The following PRMT3 variants were observed in gnomAD, a reference collection of about 807,000 sequenced individuals.
PRMT3 encodes the protein protein arginine methyltransferase 3, also known as protein arginine N-methyltransferase 3.
Under a neutral mutation model 71.9 loss-of-function variants are expected in PRMT3, and 62 were observed. That is an observed-to-expected ratio of 0.86 (90% CI 0.70 to 1.07). The LOEUF is 1.07. PRMT3 is among the 50% of genes least tolerant of loss of function. The pLI is 0.00. For synonymous variants in PRMT3, 213 were observed against 220.4 expected (o/e 0.97, Z 0.30); for missense variants, 663 against 643.0 (o/e 1.03, Z -0.34).
chr11:20,414,652 G>C (rs537273508), intron 9 of PRMT3, among the ~76,000 whole-genome samples: 7 of 152,072 alleles, frequency 4.6e-5, no homozygotes, highest in Non-Finnish European at 8.8e-5. Context: ...TTATGGAATA[G>C]CTCATTATTC....
intron 15 of PRMT3, among the ~76,000 whole-genome samples, chr11:20,507,616 C>A (rs1054163019): frequency 2.0e-5 from 3 of 151,556 alleles, no homozygotes; most frequent in African/African-American, 7.3e-5. Context: ...CTTGTCTCTA[C>A]TAAAAATACA....
At chr11:20,435,911 G>C (rs1307188412) in intron 10 of PRMT3, among the ~76,000 whole-genome samples, 1 of 152,214 alleles carries the variant, frequency 6.6e-6, no homozygotes, top group African/African-American at 2.4e-5. Flanking sequence ...ACTTTGGCCA[G>C]TATGGTTATT....
chr11:20,389,891 C>T (rs1239843977), intron 3 of PRMT3, 65 bp downstream of exon 3: 1 of 1,205,148 alleles, frequency 8.3e-7, no homozygotes, highest in South Asian at 1.2e-5. Flanking sequence ...GCAGCTCACA[C>T]CTGTAATCCC....
chr11:20,394,057 T>C (rs746186740), intron 5 of PRMT3, among the ~76,000 whole-genome samples: 1 of 152,230 alleles, frequency 6.6e-6, no homozygotes, highest in Non-Finnish European at 1.5e-5. Context: ...GGCTGTAGTC[T>C]CTTATAGTAT....
At chr11:20,434,372 T>G (rs920352997) in intron 10 of PRMT3, among the ~76,000 whole-genome samples, 5 of 149,052 alleles carry the variant, frequency 3.4e-5, no homozygotes, top group African/African-American at 1.2e-4. Context: ...AGAAGCTCTT[T>G]AGTTTAATTA....
At chr11:20,437,674 C>T (rs1471609669) in intron 10 of PRMT3, among the ~76,000 whole-genome samples, 2 of 151,950 alleles carry the variant, frequency 1.3e-5, no homozygotes, top group East Asian at 3.9e-4. Flanking sequence ...AATGCAAGCT[C>T]CGCCTCCCTG....
intron 10 of PRMT3, among the ~76,000 whole-genome samples, chr11:20,449,806 A>T (rs1850109378): frequency 6.6e-6 from 1 of 152,154 alleles, no homozygotes; most frequent in Non-Finnish European, 1.5e-5. Context: ...ACTTTTATTT[A>T]TTCATTTTAA....
chr11:20,390,134 G>C (rs1043218668), intron 3 of PRMT3, among the ~76,000 whole-genome samples: 2 of 136,746 alleles, frequency 1.5e-5, no homozygotes, highest in African/African-American at 2.6e-5. Flanking sequence ...CTGGGCAACA[G>C]AGTGAGACTC....
intron 15 of PRMT3, among the ~76,000 whole-genome samples, chr11:20,497,903 C>G (rs1270721834): frequency 6.6e-5 from 10 of 152,148 alleles, no homozygotes; most frequent in Non-Finnish European, 1.0e-4. Flanking sequence ...TGGATACATT[C>G]AACCAAACAA....
At chr11:20,389,671 G>T in intron 2 of PRMT3, 73 bp from the exon 3 acceptor site, 3 of 964,282 alleles carry the variant, frequency 3.1e-6, no homozygotes, top group Non-Finnish European at 4.7e-6. Flanking sequence ...AAAAAAAAGT[G>T]TATATGTAAC....
intron 6 of PRMT3, 106 bp downstream of exon 6, chr11:20,396,068 T>C: frequency 9.9e-7 from 1 of 1,011,156 alleles, no homozygotes; most frequent in Non-Finnish European, 1.4e-6. Flanking sequence ...GAAAGTACAA[T>C]GTAGATATTT....
intron 10 of PRMT3, among the ~76,000 whole-genome samples, chr11:20,451,435 A>G (rs1565217985): frequency 6.6e-6 from 1 of 151,944 alleles, no homozygotes; most frequent in African/African-American, 2.4e-5. Context: ...TAATAGGAGG[A>G]TATGGCAGCT....
chr11:20,491,667 CTTG>C (rs1312225849), intron 13 of PRMT3, among the ~76,000 whole-genome samples: 1 of 152,108 alleles, frequency 6.6e-6, no homozygotes, highest in Non-Finnish European at 1.5e-5. Context: ...TAGGCCTTTA[CTTG>C]TTGGTTTCGG....
At chr11:20,460,692 C>T (rs1459850287) in intron 11 of PRMT3, among the ~76,000 whole-genome samples, 1 of 152,128 alleles carries the variant, frequency 6.6e-6, no homozygotes, top group African/African-American at 2.4e-5. Flanking sequence ...ATCTCTTAAG[C>T]ACTAAATGCT....
chr11:20,504,402 A>T (rs1215865837), intron 15 of PRMT3, among the ~76,000 whole-genome samples: 141 of 152,296 alleles, frequency 9.3e-4, no homozygotes, highest in African/African-American at 3.3e-3. Context: ...TTGAAAAAGA[A>T]CAAAATGGCA....
chr11:20,462,414 G>A (rs140693705), intron 12 of PRMT3, among the ~76,000 whole-genome samples: 126 of 152,126 alleles, frequency 8.3e-4, no homozygotes, highest in Middle Eastern at 3.4e-3. Flanking sequence ...ACTCTGAACC[G>A]GTTGAATAAT....
chr11:20,419,694 A>G (rs1282589565), intron 9 of PRMT3, among the ~76,000 whole-genome samples: 1 of 152,150 alleles, frequency 6.6e-6, no homozygotes, highest in Non-Finnish European at 1.5e-5. Context: ...TATTCTCTTT[A>G]GATGACCCAG....
At chr11:20,473,175 A>G (rs1435889520) in intron 13 of PRMT3, among the ~76,000 whole-genome samples, 1 of 152,146 alleles carries the variant, frequency 6.6e-6, no homozygotes, top group African/African-American at 2.4e-5. Context: ...TTTTTCAAAA[A>G]AACAGCTCCT....
At chr11:20,393,426 C>G (rs1376459237) in intron 5 of PRMT3, among the ~76,000 whole-genome samples, 1 of 152,200 alleles carries the variant, frequency 6.6e-6, no homozygotes, top group African/African-American at 2.4e-5. Context: ...ACTCTGTGAT[C>G]AAAAGATTGT....
Sources: gnomAD v4.1 joint callset for allele counts (sites outside exome capture counted in the v4.1 genomes callset) on GRCh38, gnomAD v4.1.1 for gene constraint, MANE v1.5 for transcripts, NCBI Gene and HGNC (gene_info 2026-07-23, HGNC 2026-07-21) for gene names.